Variants in SPMAP2 observed in about 807,000 individuals in gnomAD.
The protein encoded by SPMAP2 is sperm microtubule associated protein 2, also known as Theg homolog.
chr19:362,765 TAAAAAAAA>T, the SPMAP2 span, among the ~76,000 whole-genome samples: 5 of 57,494 alleles, frequency 8.7e-5, no homozygotes, highest in Middle Eastern at 0.014. Context: ...GACTCCATCT[TAAAAAAAA>T]AAAAAAAAAA....
At chr19:372,680 C>T in the SPMAP2 span, 2 of 1,614,072 alleles carry the variant, frequency 1.2e-6, no homozygotes, top group Non-Finnish European at 8.5e-7. Flanking sequence ...CGAGACAGTT[C>T]CTCCACGCGG....
the SPMAP2 span, among the ~76,000 whole-genome samples, chr19:373,165 C>A: frequency 6.6e-6 from 1 of 152,324 alleles, no homozygotes; most frequent in East Asian, 1.9e-4. Flanking sequence ...TTGAAGGTAT[C>A]TATGATACCT....
At chr19:368,178 C>T in the SPMAP2 span, among the ~76,000 whole-genome samples, 1 of 152,168 alleles carries the variant, frequency 6.6e-6, no homozygotes, top group Non-Finnish European at 1.5e-5. The surrounding 1 kb of genome is among the most constrained non-coding windows in gnomAD (Gnocchi z 4.1). Flanking sequence ...CCCATCTACA[C>T]ACACATTCTT....
chr19:362,170 G>T, the SPMAP2 span: 3 of 1,444,584 alleles, frequency 2.1e-6, no homozygotes, highest in South Asian at 4.9e-5. Flanking sequence ...GGGTTAGGGT[G>T]CCTGAGGGTG....
chr19:362,488 C>T, the SPMAP2 span: 2 of 1,409,996 alleles, frequency 1.4e-6, no homozygotes, highest in African/African-American at 1.4e-5. Context: ...CACATTCAGG[C>T]TGGGCATGGG....
At chr19:368,261 T>C in the SPMAP2 span, among the ~76,000 whole-genome samples, 1 of 152,200 alleles carries the variant, frequency 6.6e-6, no homozygotes, top group African/African-American at 2.4e-5. The surrounding 1 kb of genome is among the most constrained non-coding windows in gnomAD (Gnocchi z 4.1). Flanking sequence ...ACGCAGAGAC[T>C]GAGTACTGCG....
the SPMAP2 span, chr19:374,697 G>C: frequency 4.6e-5 from 23 of 503,642 alleles, no homozygotes; most frequent in African/African-American, 4.0e-4. Flanking sequence ...GGTGAGACCA[G>C]CTCCCACCTG....
chr19:371,373 T>C, the SPMAP2 span: 1 of 512,980 alleles, frequency 1.9e-6, no homozygotes, highest in Non-Finnish European at 3.2e-6. Context: ...GGTGGGGGTG[T>C]GTGTGTGTGT....
chr19:372,567 C>T, the SPMAP2 span: 51 of 1,536,728 alleles, frequency 3.3e-5, no homozygotes, highest in African/African-American at 4.1e-5. Context: ...TCCTGTCAGG[C>T]GAGAATAAGG....
chr19:374,522 A>T, the SPMAP2 span: 1 of 1,484,694 alleles, frequency 6.7e-7, no homozygotes, highest in South Asian at 1.3e-5. Context: ...TTTTGTCTGC[A>T]CTCACCCTGC....
At chr19:373,938 AC>A in the SPMAP2 span, 127 of 1,613,206 alleles carry the variant, frequency 7.9e-5, no homozygotes, top group African/African-American at 1.3e-3. Flanking sequence ...CCCTGGACTT[AC>A]CAGCAGAGAC....
At chr19:367,443 C>T in the SPMAP2 span, among the ~76,000 whole-genome samples, 9 of 152,216 alleles carry the variant, frequency 5.9e-5, no homozygotes, top group Admixed American at 5.2e-4. Context: ...GCAAAGGGTA[C>T]AGGAGACAAA....
chr19:367,780 C>T, the SPMAP2 span, among the ~76,000 whole-genome samples: 45 of 152,134 alleles, frequency 3.0e-4, no homozygotes, highest in African/African-American at 1.1e-3. Context: ...ACACACACCC[C>T]GGAAGGAGCC....
chr19:369,193 G>A, the SPMAP2 span, among the ~76,000 whole-genome samples: 1 of 152,140 alleles, frequency 6.6e-6, no homozygotes, highest in East Asian at 1.9e-4. Context: ...AGGAGAAGAC[G>A]CGACCACACA....
At chr19:375,596 TC>T in the SPMAP2 span, 1 of 1,424,232 alleles carries the variant, frequency 7.0e-7, no homozygotes, top group Non-Finnish European at 9.4e-7. Context: ...GCTGCTGCCC[TC>T]CCCCCACTGC....
the SPMAP2 span, among the ~76,000 whole-genome samples, chr19:370,415 C>A: frequency 6.6e-6 from 1 of 151,540 alleles, no homozygotes; most frequent in South Asian, 2.1e-4. Context: ...GATCTCGGCT[C>A]ACTGCAAGCT....
the SPMAP2 span, among the ~76,000 whole-genome samples, chr19:369,902 T>G: frequency 6.6e-6 from 1 of 152,248 alleles, no homozygotes; most frequent in African/African-American, 2.4e-5. Context: ...TTTTTACTTC[T>G]TTTGTGGATC....
the SPMAP2 span, chr19:374,493 T>C: frequency 1.8e-4 from 287 of 1,595,606 alleles, no homozygotes; most frequent in African/African-American, 1.2e-3. Context: ...CAGAGAAGCG[T>C]GGGTCTTGCT....
At chr19:363,569 T>C in the SPMAP2 span, among the ~76,000 whole-genome samples, 1 of 152,132 alleles carries the variant, frequency 6.6e-6, no homozygotes, top group Non-Finnish European at 1.5e-5. Context: ...AGTCTTGCTC[T>C]GTTGCCCAGG....
Sources: gnomAD v4.1 joint callset for allele counts (sites outside exome capture counted in the v4.1 genomes callset) on GRCh38, gnomAD v4.1.1 for gene constraint, Gnocchi (gnomAD v3.1) non-coding constraint, MANE v1.5 for transcripts, NCBI Gene and HGNC (gene_info 2026-07-23, HGNC 2026-07-21) for gene names.